ST7: variants seen among roughly 807,000 people sequenced by gnomAD.
ST7 encodes the protein suppression of tumorigenicity 7.
A neutral mutation model predicts 78.7 loss-of-function variants in ST7; 28 were observed. The observed-to-expected ratio is 0.36, with a 90% CI of 0.26 to 0.49. The LOEUF is 0.49. Ranked by LOEUF, ST7 falls within the 20% of genes least tolerant of loss-of-function variation. The pLI is 0.99. For missense variants in ST7, 418 were observed against 696.0 expected (o/e 0.60, Z 4.49); for synonymous variants, 247 against 249.6 (o/e 0.99, Z 0.10).
intron 4 of ST7, 72 bp downstream of exon 4, chr7:117,129,919 C>G: frequency 7.6e-7 from 1 of 1,310,842 alleles, no homozygotes; most frequent in Non-Finnish European, 1.1e-6. Flanking sequence ...AATGTTTTTG[C>G]TGGTTCATTT....
chr7:117,150,013 A>G (rs1455908976), intron 9 of ST7, among the ~76,000 whole-genome samples: 1 of 152,104 alleles, frequency 6.6e-6, no homozygotes, highest in African/African-American at 2.4e-5. Flanking sequence ...CCTGACTGCC[A>G]GTGTTTCTGG....
chr7:116,966,266 T>TTTA (rs1793109709), intron 1 of ST7: 1 of 292,548 alleles, frequency 3.4e-6, no homozygotes, highest in South Asian at 3.3e-5. Context: ...TTTTTTTTTT[T>TTTA]TAAGATAGGA....
intron 1 of ST7, among the ~76,000 whole-genome samples, chr7:117,090,271 AC>A (rs1800508163): frequency 1.3e-5 from 2 of 151,926 alleles, no homozygotes; most frequent in Non-Finnish European, 2.9e-5. Context: ...ACACACACAC[AC>A]ACACACGGCA....
chr7:117,085,079 G>A (rs1195295636), intron 1 of ST7, among the ~76,000 whole-genome samples: 1 of 152,072 alleles, frequency 6.6e-6, no homozygotes, highest in African/African-American at 2.4e-5. Context: ...TATTGATTCT[G>A]TACAAGAAAA....
At chr7:117,006,059 C>T (rs1183410816) in intron 1 of ST7, among the ~76,000 whole-genome samples, 1 of 152,194 alleles carries the variant, frequency 6.6e-6, no homozygotes, top group Admixed American at 6.5e-5. Context: ...TCTGTGAAAA[C>T]TGAGGCACAG....
intron 1 of ST7, among the ~76,000 whole-genome samples, chr7:117,037,481 T>C: frequency 6.6e-6 from 1 of 152,350 alleles, no homozygotes; most frequent in East Asian, 1.9e-4. Context: ...ACCTTTTCTT[T>C]CAGAATTGAG....
At chr7:117,077,821 G>C (rs1366094734) in intron 1 of ST7, among the ~76,000 whole-genome samples, 2 of 148,824 alleles carry the variant, frequency 1.3e-5, no homozygotes, top group Non-Finnish European at 3.0e-5. Flanking sequence ...GAGTTCTGTT[G>C]TGAAAGAGGT....
At chr7:117,014,181 A>G (rs1795498963) in intron 1 of ST7, among the ~76,000 whole-genome samples, 2 of 152,260 alleles carry the variant, frequency 1.3e-5, no homozygotes, top group Admixed American at 1.3e-4. Flanking sequence ...AGATAAAAAA[A>G]GTAAAAATTT....
chr7:117,208,654 T>A (rs1007270290), intron 12 of ST7, among the ~76,000 whole-genome samples: 1 of 152,196 alleles, frequency 6.6e-6, no homozygotes, highest in Admixed American at 6.5e-5. Flanking sequence ...GAAACATTGA[T>A]AGTTGTGCCA....
At chr7:117,168,858 T>C (rs1026944022) in intron 9 of ST7, among the ~76,000 whole-genome samples, 11 of 152,234 alleles carry the variant, frequency 7.2e-5, no homozygotes, top group Admixed American at 7.2e-4. Context: ...CACTGATTTT[T>C]TGCTTAGCAG....
intron 10 of ST7, among the ~76,000 whole-genome samples, chr7:117,172,428 G>A (rs780214145): frequency 6.6e-6 from 1 of 152,166 alleles, no homozygotes; most frequent in Non-Finnish European, 1.5e-5. Flanking sequence ...GCATCATTTT[G>A]CCTGTGCAGA....
chr7:117,181,658 T>G (rs149264898), intron 10 of ST7, among the ~76,000 whole-genome samples: 1 of 152,314 alleles, frequency 6.6e-6, no homozygotes, highest in African/African-American at 2.4e-5. Flanking sequence ...TTTAAAAGAA[T>G]GTATCAAGTC....
chr7:117,219,075 C>T lies in ST7; in HGVS notation c.1406-9C>T, dbSNP rs879265195. ...TGGACATCTCTGACATATTTTTTCT[C>T]GTTTTCAGCTTTTCGGATGATCCCT... On this transcript the variant is annotated splice_polypyrimidine_tract_variant and intron_variant, in intron 13 of 15. Coordinates refer to ENST00000323984, the MANE Select transcript of ST7 (RefSeq NM_001369598.1). The surrounding 1 kb of genome is among the most constrained non-coding windows in gnomAD (Gnocchi z 5.1). 1.0e-5 allele frequency: 16 copies of T among 1,602,458 alleles called. No individual in the cohort carries two copies. Among genetic ancestry groups the T allele is most frequent in the East Asian group, 6.7e-5 (3 of 44,582 alleles).
At chr7:116,972,035 G>A (rs1185484123) in intron 1 of ST7, 5 of 459,186 alleles carry the variant, frequency 1.1e-5, no homozygotes, top group Admixed American at 2.5e-5. Flanking sequence ...GGGGAGGAGC[G>A]GGAGGCAAAA....
At chr7:117,007,729 T>C (rs910239253) in intron 1 of ST7, among the ~76,000 whole-genome samples, 5 of 152,198 alleles carry the variant, frequency 3.3e-5, no homozygotes, top group African/African-American at 9.6e-5. Context: ...TAGGAGCTCA[T>C]GCTCACATTG....
At chr7:117,121,669 T>C (rs939860046) in intron 3 of ST7, among the ~76,000 whole-genome samples, 1 of 152,168 alleles carries the variant, frequency 6.6e-6, no homozygotes, top group African/African-American at 2.4e-5. Context: ...ATCTCCTCCT[T>C]TGTTTTCCTT....
intron 1 of ST7, among the ~76,000 whole-genome samples, chr7:116,973,789 G>T (rs1006087628): frequency 2.0e-5 from 3 of 152,110 alleles, no homozygotes; most frequent in African/African-American, 7.2e-5. Flanking sequence ...ATGTTTATGA[G>T]ATCTTCCCAT....
rs548835150 is a variant in ST7 at position 117,198,316 on chromosome 7, G to A, written c.1254+7380G>A. The A allele has an allele frequency of 1.3e-5, 6 of 456,422 alleles. No homozygotes were observed. In the East Asian group the frequency reaches 3.5e-4, roughly 26 times the overall value. The allele number at this position is 456,422 out of a possible 1,614,324, so 28.3% of individuals were successfully genotyped here. ...TACCTCCCGTTCTATTTCTGTGCTTGCAGGCTAGGTGGAAATAGAGGCTGC... is the reference window on the plus strand; with the variant it reads ...TACCTCCCGTTCTATTTCTGTGCTTACAGGCTAGGTGGAAATAGAGGCTGC... On this transcript the variant is annotated intron_variant, in intron 12 of 15. Coordinates refer to ENST00000323984, the MANE Select transcript of ST7 (RefSeq NM_001369598.1).
chr7:117,218,695 C>A (rs1186542449), intron 13 of ST7, among the ~76,000 whole-genome samples: 1 of 152,178 alleles, frequency 6.6e-6, no homozygotes, highest in African/African-American at 2.4e-5. Flanking sequence ...AGTCGATCCA[C>A]ATTTGCTTCT....
Sources: gnomAD v4.1 joint callset for allele counts (sites outside exome capture counted in the v4.1 genomes callset) on GRCh38, gnomAD v4.1.1 for gene constraint, Gnocchi (gnomAD v3.1) non-coding constraint, MANE v1.5 for transcripts, NCBI Gene and HGNC (gene_info 2026-07-23, HGNC 2026-07-21) for gene names.